The following NGEF variants were observed in gnomAD, a reference collection of about 807,000 sequenced individuals.
The protein encoded by NGEF is neuronal guanine nucleotide exchange factor.
In NGEF, 31 loss-of-function variants were observed where a neutral mutation model predicts 80.9. The observed-to-expected ratio is 0.38, with a 90% CI of 0.29 to 0.52. The LOEUF is 0.52. Ranked by LOEUF, NGEF falls within the 20% of genes least tolerant of loss-of-function variation. The pLI, the probability that NGEF is intolerant of heterozygous loss-of-function variation, is 0.84. For synonymous variants in NGEF, 371 were observed against 370.2 expected, an observed-to-expected ratio of 1.00 and a Z score of -0.03; for missense variants, 709 against 926.2, an observed-to-expected ratio of 0.77 and a Z score of 3.04.
chr2:232,888,476 T>C (rs535231073), intron 8 of NGEF, among the ~76,000 whole-genome samples: 1 of 151,838 alleles, frequency 6.6e-6, no homozygotes, highest in East Asian at 2.0e-4. Flanking sequence ...GCAAGCACAG[T>C]GCACACACAT....
At chr2:232,887,186 G>C (rs1048889251) in intron 9 of NGEF, among the ~76,000 whole-genome samples, 9 of 152,204 alleles carry the variant, frequency 5.9e-5, no homozygotes, top group African/African-American at 1.9e-4. Context: ...CCACCATGAC[G>C]GCGTCACTGG....
chr2:232,885,598 C>T (rs1227002357), intron 9 of NGEF: 3 of 550,178 alleles, frequency 5.5e-6, no homozygotes, highest in Admixed American at 3.2e-5. Flanking sequence ...AAGTTGGTGC[C>T]TTGCCCTTGC....
At chr2:232,960,682 C>A (rs1053168679) in intron 3 of NGEF, among the ~76,000 whole-genome samples, 2 of 152,168 alleles carry the variant, frequency 1.3e-5, no homozygotes, top group African/African-American at 4.8e-5. Flanking sequence ...AGTTTGAGAC[C>A]AGCCTGGCCA....
intron 3 of NGEF, among the ~76,000 whole-genome samples, chr2:232,936,914 G>T (rs1456563274): frequency 6.6e-6 from 1 of 152,074 alleles, no homozygotes; most frequent in Admixed American, 6.5e-5. Flanking sequence ...AGTGAGAGTG[G>T]TCTTGTAGAC....
chr2:233,003,913 C>T (rs1367802509), intron 1 of NGEF, among the ~76,000 whole-genome samples: 2 of 152,198 alleles, frequency 1.3e-5, no homozygotes, highest in Non-Finnish European at 2.9e-5. Context: ...CAACTTGGCC[C>T]TTGTTGTGTG....
chr2:232,911,442 T>A (rs1692689347), intron 5 of NGEF, among the ~76,000 whole-genome samples: 1 of 152,206 alleles, frequency 6.6e-6, no homozygotes, highest in Non-Finnish European at 1.5e-5. Flanking sequence ...TCAGATAGTA[T>A]GACTCCTCCA....
Position 233,013,217 on chromosome 2 carries a change from A to C in NGEF, c.-224T>G. On this transcript the variant is annotated 5_prime_UTR_variant, in exon 1 of 15. Transcript: ENST00000264051. ...CTGTCCCAGAGAGCCCACAGCCAAA[A>C]ACTTCGTCCTGTCCTGGAAAAGCTT... 1 of 471,004 alleles carries C rather than the reference A, an allele frequency of 2.1e-6. No individual in the cohort carries two copies. The highest frequency in any genetic ancestry group is 4.4e-6 in the Non-Finnish European group (1 of 227,020). 29.2% of individuals were successfully genotyped at this position (471,004 alleles called of 1,614,324 possible). A position where few individuals can be genotyped will look rare whatever the true frequency, so the allele number is the denominator to read the frequency against.
intron 1 of NGEF, among the ~76,000 whole-genome samples, chr2:232,998,930 T>A (rs1694912229): frequency 6.6e-6 from 1 of 152,130 alleles, no homozygotes; most frequent in South Asian, 2.1e-4. Context: ...CCTCAGTGGG[T>A]GGGTTCTGCC....
At chr2:232,998,718 T>C (rs560973968) in intron 1 of NGEF, among the ~76,000 whole-genome samples, 1 of 152,238 alleles carries the variant, frequency 6.6e-6, no homozygotes, top group Non-Finnish European at 1.5e-5. Flanking sequence ...CTCCTGTTTC[T>C]TGTGCAGCCC....
At position 232,888,364 on chromosome 2, in the gene NGEF, CAT is replaced by C. The variant is rs1036220634; in HGVS notation, c.1273-259_1273-258del. On this transcript the variant is annotated intron_variant, in intron 8 of 14. Transcript: ENST00000264051. ...TGCACACCTGCAAGCAGTGTGCACA[CAT>C]GCACACCGTGTAGAAACATGCATAC... is the stretch of plus-strand genomic sequence containing the variant. Among the ~76,000 whole-genome samples, 26 of 91,616 alleles carry C rather than the reference CAT, an allele frequency of 2.8e-4. No individual in the cohort carries two copies. In the South Asian group the frequency reaches 5.1e-3, roughly 18 times the overall value. The allele number at this position is 91,616 out of a possible 152,430, so 60.1% of individuals were successfully genotyped here.
At chr2:232,944,726 A>AATACATATAT (rs1553552730) in intron 3 of NGEF, among the ~76,000 whole-genome samples, 3 of 108,722 alleles carry the variant, frequency 2.8e-5, no homozygotes, top group African/African-American at 1.0e-4. Flanking sequence ...GACTTTTCCG[A>AATACATATAT]ATATATATAT....
At chr2:232,882,311 G>GC (rs752907568) in intron 12 of NGEF, 46 bp from the exon 13 acceptor site, 7 of 1,542,302 alleles carry the variant, frequency 4.5e-6, no homozygotes, top group Non-Finnish European at 6.3e-6. Context: ...ATCAACGGCA[G>GC]CCCCCCAACG....
At chr2:232,896,615 T>G (rs1574997311) in intron 5 of NGEF, among the ~76,000 whole-genome samples, 1 of 36,820 alleles carries the variant, frequency 2.7e-5, no homozygotes, top group African/African-American at 1.3e-4. Context: ...AGGGTAAGGT[T>G]GGGGTTGAGG....
chr2:232,910,456 G>A (rs1489978069), intron 5 of NGEF, among the ~76,000 whole-genome samples: 3 of 149,420 alleles, frequency 2.0e-5, no homozygotes, highest in Admixed American at 6.6e-5. Context: ...GGTGGGGGGT[G>A]GGGGGGGTAA....
At chr2:232,903,567 A>G (rs1357005502) in intron 5 of NGEF, among the ~76,000 whole-genome samples, 1 of 152,176 alleles carries the variant, frequency 6.6e-6, no homozygotes, top group Non-Finnish European at 1.5e-5. Flanking sequence ...TCAGGTGCAT[A>G]CATTTTTTAA....
intron 3 of NGEF, among the ~76,000 whole-genome samples, chr2:232,928,618 A>C (rs935911005): frequency 1.8e-4 from 27 of 151,960 alleles, no homozygotes; most frequent in African/African-American, 6.0e-4. Context: ...TCTCTGCTCC[A>C]GGCGGAGACT....
chr2:232,995,433 A>ATATATATACACAGTATGTACACTG lies in NGEF; in HGVS notation c.-75+17634_-75+17635insCAGTGTACATACTGTGTATATATA, dbSNP rs1574660142. ...ACACAGTATGTATACTGTATACTGT[A>ATATATATACACAGTATGTACACTG]TATATATACACAGTATGTATACTGA... On this transcript the variant is annotated intron_variant, in intron 1 of 14. Coordinates refer to ENST00000264051, the MANE Select transcript of NGEF (RefSeq NM_019850.3). 0.01 allele frequency among the ~76,000 whole-genome samples: 126 copies of ATATATATACACAGTATGTACACTG among 12,374 alleles called. 57 individuals carry two copies. In the East Asian group the frequency reaches 0.29, roughly 28 times the overall value. The allele number at this position is 12,374 out of a possible 152,430, so 8.1% of individuals were successfully genotyped here.
At chr2:233,002,514 C>CA (rs1695001140) in intron 1 of NGEF, among the ~76,000 whole-genome samples, 2 of 151,966 alleles carry the variant, frequency 1.3e-5, no homozygotes, top group Admixed American at 6.5e-5. Flanking sequence ...CCTGTCTCTA[C>CA]AAAAAATAAA....
At chr2:232,978,722 C>T (rs958734243) in intron 1 of NGEF, among the ~76,000 whole-genome samples, 2 of 152,074 alleles carry the variant, frequency 1.3e-5, no homozygotes, top group African/African-American at 4.8e-5. Context: ...TCTTGGTTTG[C>T]CCTTTTCTGT....
Sources: allele counts gnomAD v4.1 joint callset (sites outside exome capture counted in the v4.1 genomes callset), GRCh38; gene constraint gnomAD v4.1.1; transcripts MANE v1.5; gene names NCBI Gene and HGNC (gene_info 2026-07-23, HGNC 2026-07-21).